Variants in CASP10 observed in about 807,000 individuals in gnomAD.
CASP10 encodes the protein caspase 10, also known as caspase-10.
CASP10 carries 41 observed loss-of-function variants against 48.5 expected under a neutral mutation model. The observed-to-expected ratio is 0.85, with a 90% CI of 0.66 to 1.10. The LOEUF is 1.10. Among genes scored for constraint, CASP10 ranks in the 50% least tolerant of loss-of-function variants. The pLI, the probability that CASP10 is intolerant of heterozygous loss-of-function variation, is 0.00. For synonymous variants in CASP10, 232 were observed against 238.4 expected (o/e 0.97, Z 0.25); for missense variants, 614 against 614.5 (o/e 1.00, Z 0.01).
chr2:201,189,681 A>G (rs1944539555), intron 3 of CASP10, among the ~76,000 whole-genome samples: 2 of 152,094 alleles, frequency 1.3e-5, no homozygotes, highest in South Asian at 2.1e-4. Flanking sequence ...ATTTCAATCT[A>G]CTGCAATTAT....
chr2:201,203,870 A>T (rs1207044494), intron 6 of CASP10, 104 bp downstream of exon 6: 1 of 910,630 alleles, frequency 1.1e-6, no homozygotes, highest in Non-Finnish European at 1.8e-6. Context: ...GAGAAGCTTT[A>T]TAAATAATGA....
intron 9 of CASP10, among the ~76,000 whole-genome samples, 196 bp downstream of exon 9, chr2:201,209,758 C>T (rs1271269258): frequency 6.6e-6 from 1 of 152,082 alleles, no homozygotes; most frequent in Non-Finnish European, 1.5e-5. Flanking sequence ...CATCTATCCA[C>T]CCATTCATCT....
rs1415606148 is a variant in CASP10, at chr2:201,217,787, A to G, written c.*46A>G. On this transcript the variant is annotated 3_prime_UTR_variant, in exon 10 of 10. Coordinates refer to ENST00000286186, the MANE Select transcript of CASP10 (RefSeq NM_032977.4). ...TTAGACCTCAAACGAATCATTGGCT[A>G]TAACCTCCAGCCTCCTGCCCAGCAC... The G allele has an allele frequency of 1.2e-6, 2 of 1,613,470 alleles. No homozygotes were observed. Among genetic ancestry groups the G allele is most frequent in the South Asian group, 1.1e-5 (1 of 91,032 alleles).
At chr2:201,224,830 A>G (rs7559578), downstream of CASP10, among the ~76,000 whole-genome samples, 8,976 of 152,254 alleles carry the variant, frequency 0.059, 851 homozygotes, top group African/African-American at 0.2. Context: ...CTGATTACAT[A>G]GTAATGTATG....
At chr2:201,195,148 G>C (rs1944746845) in intron 4 of CASP10, among the ~76,000 whole-genome samples, 1 of 151,988 alleles carries the variant, frequency 6.6e-6, no homozygotes, top group Non-Finnish European at 1.5e-5. Flanking sequence ...CTGGAGTGCA[G>C]TGGCATGATC....
In CASP10 at chr2:201,186,026, C is replaced by T. The variant is rs1319328551; in HGVS notation, c.249C>T (p.Leu83=). 6.2e-7 allele frequency: 1 copy of T among 1,613,340 alleles called. No homozygotes were observed. The highest frequency in any genetic ancestry group is 8.5e-7 in the Non-Finnish European group (1 of 1,179,988). ...ACCCTTTCTTCCTGGCAGAACTCCTCTATATCATACGGCAGAAGAAGCTGC... is the reference window on the plus strand; with the variant it reads ...ACCCTTTCTTCCTGGCAGAACTCCTTTATATCATACGGCAGAAGAAGCTGC... ...EEDPFFLAEL[L]YIIRQKKLLQ... The change falls in exon 2 of 10, where the codon CTC becomes CTT. Residue 83 remains leucine (L), a synonymous_variant. Coordinates refer to ENST00000286186, the MANE Select transcript of CASP10 (RefSeq NM_032977.4).
intron 4 of CASP10, among the ~76,000 whole-genome samples, chr2:201,194,468 A>G (rs2126019958): frequency 6.6e-6 from 1 of 152,376 alleles, no homozygotes; most frequent in East Asian, 1.9e-4. Flanking sequence ...TAAAATCTCA[A>G]ACAATAAAAT....
At chr2:201,216,730 T>C (rs183650222) in intron 9 of CASP10, among the ~76,000 whole-genome samples, 19 of 152,282 alleles carry the variant, frequency 1.2e-4, no homozygotes, top group Admixed American at 1.2e-3. Context: ...TTATGGTTCC[T>C]ATTTTAGAGC....
Position 201,220,467 on chromosome 2 carries a change from G to A in CASP10, c.*2726G>A, listed in dbSNP as rs372156178. ...TGGGGAAGCTAAAAGCAGACTGGAG[G>A]GGGGTGGGGTGTACCTACAGCTGCA... On this transcript the variant is annotated 3_prime_UTR_variant, in exon 10 of 10. Transcript: ENST00000286186. 1 of 153,486 alleles carries A rather than the reference G, an allele frequency of 6.5e-6. No individual in the cohort carries two copies. The highest frequency in any genetic ancestry group is 2.4e-5 in the African/African-American group (1 of 41,430). The allele number at this position is 153,486 out of a possible 1,614,324, so 9.5% of individuals were successfully genotyped here.
intron 9 of CASP10, 39 bp downstream of exon 9, chr2:201,209,601 G>C (rs1406201930): frequency 1.3e-6 from 2 of 1,570,948 alleles, no homozygotes; most frequent in Non-Finnish European, 1.7e-6. Flanking sequence ...TAATTAATTA[G>C]TTTTATTTAT....
rs1409068286 is a variant in CASP10, at chr2:201,220,529, C to T, written c.*2788C>T. ...TGGGAACGGACACACAACTCTCCCT[C>T]CCAGATAAGCACAGCAAAGAGACAT... On this transcript the variant is annotated 3_prime_UTR_variant, in exon 10 of 10. Coordinates refer to ENST00000286186, the MANE Select transcript of CASP10 (RefSeq NM_032977.4). 2 of 156,260 alleles carry T rather than the reference C, an allele frequency of 1.3e-5. No homozygotes were observed. Among genetic ancestry groups the T allele is most frequent in the East Asian group, 3.8e-4 (2 of 5,214 alleles). The allele number at this position is 156,260 out of a possible 1,614,324, so 9.7% of individuals were successfully genotyped here. A position where few individuals can be genotyped will look rare whatever the true frequency, so the allele number is the denominator to read the frequency against.
At position 201,219,795 on chromosome 2, in the gene CASP10, T is replaced by C. The variant is rs2126064449; in HGVS notation, c.*2054T>C. The C allele has an allele frequency of 3.1e-6, 3 of 983,150 alleles. No individual in the cohort carries two copies. The highest frequency in any genetic ancestry group is 1.8e-5 in the African/African-American group (1 of 56,622). 60.9% of individuals were successfully genotyped at this position (983,150 alleles called of 1,614,324 possible). On this transcript the variant is annotated 3_prime_UTR_variant, in exon 10 of 10. Transcript: ENST00000286186. The stretch of plus-strand genomic sequence containing the variant: ...TTGAATCCTTAAAGGTGAGCCCTCA[T>C]AGGGAGATCCAAAGTCCTGTGGTTA...
chr2:201,192,837 C>G lies in CASP10; in HGVS notation c.442-147C>G, dbSNP rs936135224. On this transcript the variant is annotated intron_variant, in intron 3 of 9. Transcript: ENST00000286186. ...CAGATTTGCTTGGTAATGCCTCTTC[C>G]CCTACATTCCTGAGCAACTTGAGGG... 5 of 737,000 alleles carry G rather than the reference C, an allele frequency of 6.8e-6. No homozygotes were observed. The African/African-American group carries it at 8.8e-5, about 13-fold the overall frequency. 45.7% of individuals were successfully genotyped at this position (737,000 alleles called of 1,614,324 possible).
In CASP10 at chr2:201,218,623, G is replaced by C. The variant is rs1469594573; in HGVS notation, c.*882G>C. ...GGCCTGGGGACCAGGTGCATTTTAAGGTTCCTTGGTGTTCAAAAACCACGT... is the reference window on the plus strand; with the variant it reads ...GGCCTGGGGACCAGGTGCATTTTAACGTTCCTTGGTGTTCAAAAACCACGT... On this transcript the variant is annotated 3_prime_UTR_variant, in exon 10 of 10. Coordinates refer to ENST00000286186, the MANE Select transcript of CASP10 (RefSeq NM_032977.4). 2.0e-6 allele frequency: 2 copies of C among 985,274 alleles called. No individual in the cohort carries two copies. The highest frequency in any genetic ancestry group is 5.2e-4 in the Middle Eastern group (1 of 1,938). The allele number at this position is 985,274 out of a possible 1,614,324, so 61.0% of individuals were successfully genotyped here.
intron 9 of CASP10, among the ~76,000 whole-genome samples, chr2:201,216,592 A>G (rs149236170): frequency 6.6e-6 from 1 of 152,276 alleles, no homozygotes; most frequent in Admixed American, 6.5e-5. Context: ...ATAGTTAAGG[A>G]TGAGGGGATG....
At chr2:201,206,610 A>G (rs1016449859) in intron 7 of CASP10, among the ~76,000 whole-genome samples, 35 of 148,482 alleles carry the variant, frequency 2.4e-4, no homozygotes, top group Non-Finnish European at 5.0e-4. Flanking sequence ...ATATATATAT[A>G]TACACACACT....
chr2:201,224,218 G>A (rs1477459203), downstream of CASP10, among the ~76,000 whole-genome samples: 2 of 151,724 alleles, frequency 1.3e-5, no homozygotes, highest in Admixed American at 6.6e-5. Flanking sequence ...TGATCCGCCC[G>A]CCTTGGCCTT....
chr2:201,184,026 G>C (rs1944323988), intron 1 of CASP10, among the ~76,000 whole-genome samples: 1 of 152,066 alleles, frequency 6.6e-6, no homozygotes, highest in Non-Finnish European at 1.5e-5. Flanking sequence ...TTCCTATGAA[G>C]CTGGGACCAC....
rs377581981 is a variant in CASP10, at chr2:201,217,775, G to A, written c.*34G>A. On this transcript the variant is annotated 3_prime_UTR_variant, in exon 10 of 10. Coordinates refer to ENST00000286186, the MANE Select transcript of CASP10 (RefSeq NM_032977.4). ...TTTTGTTGGTTCTTAGACCTCAAAC[G>A]AATCATTGGCTATAACCTCCAGCCT... 9.3e-5 allele frequency: 150 copies of A among 1,613,384 alleles called. No homozygotes were observed. Among genetic ancestry groups the A allele is most frequent in the Middle Eastern group, 6.6e-4 (4 of 6,078 alleles).
Sources: gnomAD v4.1 joint callset for allele counts (sites outside exome capture counted in the v4.1 genomes callset) on GRCh38, gnomAD v4.1.1 for gene constraint, MANE v1.5 for transcripts, NCBI Gene and HGNC (gene_info 2026-07-23, HGNC 2026-07-21) for gene names.